Variants in LRIG1 observed in about 807,000 individuals in gnomAD.
LRIG1 encodes leucine-rich repeats and immunoglobulin-like domains protein 1.
A neutral mutation model predicts 99.2 loss-of-function variants in LRIG1; 48 were observed. The observed-to-expected ratio is 0.48, with a 90% CI of 0.38 to 0.62. The LOEUF (loss-of-function observed/expected upper bound fraction) is 0.62. Ranked by LOEUF, LRIG1 falls within the 20% of genes least tolerant of loss-of-function variation. LRIG1 has a pLI of 0.00. For synonymous variants in LRIG1, 772 were observed against 596.1 expected (o/e 1.29, Z -4.30); for missense variants, 1,646 against 1,434.4 (o/e 1.15, Z -2.38).
intron 2 of LRIG1, among the ~76,000 whole-genome samples, chr3:66,456,654 T>C (rs1361731963): frequency 6.7e-6 from 1 of 148,464 alleles, no homozygotes; most frequent in Non-Finnish European, 1.5e-5. Context: ...TATTTTACCC[T>C]CTCCCTAAAC....
At chr3:66,477,331 C>G (rs1264002855) in intron 1 of LRIG1, among the ~76,000 whole-genome samples, 3 of 152,184 alleles carry the variant, frequency 2.0e-5, no homozygotes, top group Non-Finnish European at 2.9e-5. Context: ...GTCATTTGCC[C>G]TCTGGATTCC....
intron 3 of LRIG1, among the ~76,000 whole-genome samples, chr3:66,424,922 A>T (rs1702930214): frequency 6.6e-6 from 1 of 152,210 alleles, no homozygotes; most frequent in Admixed American, 6.5e-5. Context: ...GACTAATATG[A>T]GTGTTCTGAG....
intron 14 of LRIG1, 93 bp downstream of exon 14, chr3:66,383,898 C>A: frequency 6.6e-7 from 1 of 1,507,942 alleles, no homozygotes; most frequent in South Asian, 1.3e-5. Flanking sequence ...AGGCCCACAA[C>A]GCATACCACC....
At chr3:66,401,481 C>T in intron 9 of LRIG1, 1 of 548,394 alleles carries the variant, frequency 1.8e-6, no homozygotes, top group Non-Finnish European at 3.0e-6. Context: ...ATATTAGTCA[C>T]ATTGACCTGT....
In LRIG1 at chr3:66,380,273, G is replaced by C. The variant is rs533716890; in HGVS notation, c.3272C>G (p.Pro1091Arg). 3 of 1,608,426 alleles carry C rather than the reference G, an allele frequency of 1.9e-6. No homozygotes were observed. The highest frequency in any genetic ancestry group is 2.5e-6 in the Non-Finnish European group (3 of 1,177,132). ...GKQRVPLLLAPKS is the reference protein window; with the variant it reads ...GKQRVPLLLARKS ...TGAGGTAGACAAAACCTAGCTTTTT[G>C]GTGCCAACAGCAGTGGCACCCTCTG... The change falls in exon 19 of 19, where the codon CCA becomes CGA. Residue 1091 changes from proline (P) to arginine (R), a missense_variant. Physicochemically the swap from Pro to Arg is moderately radical, Grantham distance 103. Transcript: ENST00000273261.
intron 8 of LRIG1, chr3:66,405,611 G>A: frequency 1.5e-6 from 1 of 646,746 alleles, no homozygotes. Context: ...CCAGCACTGA[G>A]AATCAACCCA....
chr3:66,382,889 A>G, intron 15 of LRIG1, 93 bp downstream of exon 15: 1 of 1,225,218 alleles, frequency 8.2e-7, no homozygotes, highest in Non-Finnish European at 1.1e-6. Flanking sequence ...ACACAGTGCA[A>G]TTCTTTCAAA....
intron 8 of LRIG1, chr3:66,405,726 A>G: frequency 9.0e-7 from 1 of 1,108,012 alleles, no homozygotes; most frequent in Non-Finnish European, 1.1e-6. Context: ...GACCCGGCAC[A>G]GGGCCGGCCC....
chr3:66,417,302 T>G, intron 3 of LRIG1, 36 bp from the exon 4 acceptor site: 1 of 1,597,168 alleles, frequency 6.3e-7, no homozygotes, highest in Non-Finnish European at 8.6e-7. Context: ...TGAGCATCTC[T>G]TTTTGCAAAG....
intron 17 of LRIG1, 95 bp downstream of exon 17, chr3:66,381,384 G>C: frequency 7.9e-7 from 1 of 1,269,288 alleles, no homozygotes; most frequent in Non-Finnish European, 1.1e-6. Context: ...GACAGCTGTG[G>C]ACTAGGAATG....
intron 11 of LRIG1, among the ~76,000 whole-genome samples, chr3:66,396,261 T>TA (rs1467089230): frequency 6.6e-6 from 1 of 152,188 alleles, no homozygotes; most frequent in East Asian, 1.9e-4. Flanking sequence ...GGCCAGGCAG[T>TA]AGCGAGGATT....
intron 5 of LRIG1, among the ~76,000 whole-genome samples, chr3:66,414,178 A>C (rs1257145335): frequency 2.0e-5 from 3 of 152,130 alleles, no homozygotes; most frequent in African/African-American, 7.2e-5. Context: ...CAGGCGGATC[A>C]CGAGGTCAGG....
intron 12 of LRIG1, among the ~76,000 whole-genome samples, chr3:66,388,318 T>G (rs536209025): frequency 6.6e-6 from 1 of 151,162 alleles, no homozygotes; most frequent in Admixed American, 6.6e-5. Context: ...TTATGTAGTC[T>G]GAGAAACAAA....
rs201258084 is a variant in LRIG1 at position 66,383,382 on chromosome 3, G to T, written c.2091C>A (p.Val697=). 2.3e-4 allele frequency: 366 copies of T among 1,561,918 alleles called. 1 individual carries two copies. Among genetic ancestry groups the T allele is most frequent in the Non-Finnish European group, 2.9e-4 (332 of 1,148,646 alleles). The part of the protein sequence containing the change: ...LTVLETPSLV[V]PLEDRVVSVG... ...CAGATACCACACGGTCTTCCAAGGG[G>T]ACCACCAAGGATGGGGTCTCTACAA... is the stretch of plus-strand genomic sequence containing the variant. The change falls in exon 15 of 19, where the codon GTC becomes GTA. Residue 697 remains valine (V), a synonymous_variant. Transcript: ENST00000273261.
chr3:66,488,621 A>G (rs1701029799), intron 1 of LRIG1, among the ~76,000 whole-genome samples: 1 of 152,200 alleles, frequency 6.6e-6, no homozygotes, highest in African/African-American at 2.4e-5. Flanking sequence ...TGGGCGACAG[A>G]GTGAGACTCT....
At chr3:66,418,112 A>G (rs1450001815) in intron 3 of LRIG1, among the ~76,000 whole-genome samples, 1 of 145,032 alleles carries the variant, frequency 6.9e-6, no homozygotes, top group Non-Finnish European at 1.5e-5. Flanking sequence ...TTTGTTTTTG[A>G]GACAGAGTCT....
chr3:66,465,935 C>A (rs1700463622), intron 1 of LRIG1, among the ~76,000 whole-genome samples: 2 of 152,210 alleles, frequency 1.3e-5, no homozygotes, highest in Admixed American at 1.3e-4. Context: ...TCTTAAGTAC[C>A]TCATGTTGGT....
intron 12 of LRIG1, among the ~76,000 whole-genome samples, chr3:66,388,591 T>C (rs1419974660): frequency 6.6e-6 from 1 of 151,994 alleles, no homozygotes; most frequent in African/African-American, 2.4e-5. Flanking sequence ...AGACAAAGAA[T>C]CTTGAAAACG....
At chr3:66,462,346 A>G in intron 2 of LRIG1, 92 bp downstream of exon 2, 1 of 873,552 alleles carries the variant, frequency 1.1e-6, no homozygotes, top group Non-Finnish European at 1.9e-6. Context: ...TACACTGCGG[A>G]TCTAGGGGAG....
Sources: gnomAD v4.1 joint callset for allele counts (sites outside exome capture counted in the v4.1 genomes callset) on GRCh38, gnomAD v4.1.1 for gene constraint, MANE v1.5 for transcripts, NCBI Gene and HGNC (gene_info 2026-07-23, HGNC 2026-07-21) for gene names.